NCAPG2: variants seen among roughly 807,000 people sequenced by gnomAD.
NCAPG2 encodes the protein condensin-2 complex subunit G2.
A neutral mutation model predicts 141.1 loss-of-function variants in NCAPG2; 53 were observed. The ratio of observed to expected loss-of-function variants is 0.38; its 90% CI spans 0.30 to 0.47. The LOEUF (loss-of-function observed/expected upper bound fraction) is 0.47. Ranked by LOEUF, NCAPG2 falls within the 20% of genes least tolerant of loss-of-function variation. The probability of loss-of-function intolerance (pLI) is 0.99; values close to 1 mark genes in which losing one functional copy is unlikely to be tolerated. For synonymous variants in NCAPG2, 499 were observed against 490.7 expected, an observed-to-expected ratio of 1.02 and a Z score of -0.22; for missense variants, 1,087 against 1,389.0, an observed-to-expected ratio of 0.78 and a Z score of 3.46.
At position 158,649,893 on chromosome 7, in the gene NCAPG2, T is replaced by G. The variant is rs961119786; in HGVS notation, c.3075+939A>C. ...ATATTCCATGTGGGAAAACACCACT[T>G]TTTGTTTTGGCTTGAATTATCATCC... is the stretch of plus-strand genomic sequence containing the variant. On this transcript the variant is annotated intron_variant, in intron 24 of 27. Coordinates refer to ENST00000356309, the MANE Select transcript of NCAPG2 (RefSeq NM_017760.7). Among the ~76,000 whole-genome samples, 4 of 152,188 alleles carry G rather than the reference T, an allele frequency of 2.6e-5. No homozygotes were observed. In the East Asian group the frequency reaches 7.7e-4, roughly 29 times the overall value.
chr7:158,686,617 G>A (rs1834771787), intron 7 of NCAPG2, among the ~76,000 whole-genome samples: 1 of 152,150 alleles, frequency 6.6e-6, no homozygotes, highest in South Asian at 2.1e-4. Context: ...TGAGGTACAA[G>A]AAGCCCTAAA....
chr7:158,658,269 A>G, intron 17 of NCAPG2, 69 bp downstream of exon 17: 1 of 1,413,194 alleles, frequency 7.1e-7, no homozygotes, highest in Non-Finnish European at 9.6e-7. Context: ...GCTGACATGA[A>G]TTAATAATTC....
chr7:158,642,271 C>T (rs558861659), intron 27 of NCAPG2, among the ~76,000 whole-genome samples: 1 of 152,298 alleles, frequency 6.6e-6, no homozygotes, highest in South Asian at 2.1e-4. Flanking sequence ...AACATGGTGG[C>T]TCACACTGGT....
chr7:158,647,880 G>A (rs922611320), intron 24 of NCAPG2, among the ~76,000 whole-genome samples: 2 of 151,916 alleles, frequency 1.3e-5, no homozygotes, highest in African/African-American at 2.4e-5. Flanking sequence ...AGGCAGGGTC[G>A]CACCATGTTG....
At position 158,652,360 on chromosome 7, in the gene NCAPG2, T is replaced by C. The variant is rs756381491; in HGVS notation, c.2867A>G (p.Lys956Arg). 1 of 1,613,902 alleles carries C rather than the reference T, an allele frequency of 6.2e-7. No homozygotes were observed. Among genetic ancestry groups the C allele is most frequent in the Admixed American group, 1.7e-5 (1 of 59,926 alleles). Residue 956 changes from lysine (K) to arginine (R), a missense_variant, in exon 23 of 28, where the codon AAA becomes AGA. Lys to Arg is a conservative substitution (Grantham distance 26). Transcript: ENST00000356309. ...ACATTCCAACATTTTCTGAAATACT[T>C]TCTGGACTGTGTCCAACAGCATTGC... Reference protein sequence around the residue: ...EVAMLLDTVQKVFQKMLECIA... With the variant: ...EVAMLLDTVQRVFQKMLECIA...
At chr7:158,650,722 G>T in intron 24 of NCAPG2, 110 bp downstream of exon 24, 1 of 1,388,558 alleles carries the variant, frequency 7.2e-7, no homozygotes, top group African/African-American at 1.5e-5. Flanking sequence ...ACTCAAGTTT[G>T]AAAATTCTTA....
chr7:158,660,401 C>CTTTTTTTTTTTTTTTTTTTTT (rs945928092), intron 16 of NCAPG2, among the ~76,000 whole-genome samples: 11 of 72,812 alleles, frequency 1.5e-4, no homozygotes, highest in South Asian at 5.0e-4. Flanking sequence ...TTTCAGCTTT[C>CTTTTTTTTTTTTTTTTTTTTT]TTTTTTTTTT....
intron 2 of NCAPG2, among the ~76,000 whole-genome samples, chr7:158,697,744 G>A (rs10215605): frequency 0.31 from 47,264 of 152,102 alleles, 7,819 homozygotes; most frequent in African/African-American, 0.41. Flanking sequence ...TATACACCAT[G>A]GAATACTATA....
intron 24 of NCAPG2, among the ~76,000 whole-genome samples, chr7:158,647,991 C>A (rs1296120320): frequency 6.6e-6 from 1 of 152,150 alleles, no homozygotes; most frequent in Non-Finnish European, 1.5e-5. Context: ...GCCTAGACAG[C>A]ACTTCCAATA....
Position 158,655,099 on chromosome 7 carries a change from G to A in NCAPG2, c.2646+19C>T, listed in dbSNP as rs1173608330. On this transcript the variant is annotated intron_variant, in intron 21 of 27. Transcript: ENST00000356309. ...AAACTTGGTAAAGAGAAAGTTTTCT[G>A]TGTCTTAAGACTTCTAACCTGGATA... 6.4e-7 allele frequency: 1 copy of A among 1,572,172 alleles called. No homozygotes were observed. The highest frequency in any genetic ancestry group is 1.4e-5 in the African/African-American group (1 of 72,616).
rs369109169 is a variant in NCAPG2, at chr7:158,673,676, C to T, written c.1326+1801G>A. Among the ~76,000 whole-genome samples, 19 of 152,320 alleles carry T rather than the reference C, an allele frequency of 1.2e-4. No individual in the cohort carries two copies. In the South Asian group the frequency reaches 1.5e-3, roughly 12 times the overall value. ...ACCTGAGCAGAGCTCTCAAAGAAGA[C>T]GCTTGTCTGTAAACTGGGACCAGCC... is the stretch of plus-strand genomic sequence containing the variant. On this transcript the variant is annotated intron_variant, in intron 12 of 27. Transcript: ENST00000356309.
intron 4 of NCAPG2, among the ~76,000 whole-genome samples, chr7:158,691,153 G>GAA (rs1346454780): frequency 6.6e-6 from 1 of 152,168 alleles, no homozygotes; most frequent in African/African-American, 2.4e-5. Flanking sequence ...GCTCAGAGGT[G>GAA]AAAAACAGTC....
chr7:158,641,601 C>T, intron 27 of NCAPG2: 1 of 563,766 alleles, frequency 1.8e-6, no homozygotes, highest in South Asian at 2.3e-5. Context: ...ATATACCATG[C>T]TTATTCTAAT....
In NCAPG2 at chr7:158,692,867, T is replaced by C. The variant is rs1835216633; in HGVS notation, c.357A>G (p.Leu119=). 1.3e-6 allele frequency: 2 copies of C among 1,578,874 alleles called. No homozygotes were observed. Among genetic ancestry groups the C allele is most frequent in the Non-Finnish European group, 1.7e-6 (2 of 1,152,542 alleles). ...VINESENYEA[L]LECVIILNGI... ...CATTTAATATAATAACACATTCCAG[T>C]AGGGCTTCGTAGTTCTCACTTTCAT... is the stretch of plus-strand genomic sequence containing the variant. Residue 119 remains leucine (L), a synonymous_variant, in exon 4 of 28, where the codon CTA becomes CTG. Transcript: ENST00000356309.
Position 158,656,314 on chromosome 7 carries a change from G to A in NCAPG2, c.2334C>T (p.Leu778=), listed in dbSNP as rs1831970339. ...LTHPKNRECL[L]SAPRKKLNHL... is the part of the protein sequence containing the mutation. ...GGTTAAGTTTCTTCCGAGGAGCAGAGAGCAAGCACTCGCGGTTCTTTGGAT... is the reference window on the plus strand; with the variant it reads ...GGTTAAGTTTCTTCCGAGGAGCAGAAAGCAAGCACTCGCGGTTCTTTGGAT... The change falls in exon 19 of 28, where the codon CTC becomes CTT. Residue 778 remains leucine (L), a synonymous_variant. Transcript: ENST00000356309. The A allele has an allele frequency of 6.2e-7, 1 of 1,614,188 alleles. No individual in the cohort carries two copies. The highest frequency in any genetic ancestry group is 1.1e-5 in the South Asian group (1 of 91,076).
chr7:158,698,569 C>A (rs1835596193), intron 2 of NCAPG2, among the ~76,000 whole-genome samples: 1 of 152,176 alleles, frequency 6.6e-6, no homozygotes, highest in South Asian at 2.1e-4. Flanking sequence ...ACCATCTAGC[C>A]CAGGTGTGTA....
intron 13 of NCAPG2, among the ~76,000 whole-genome samples, chr7:158,667,402 GCCCTCCTTACCCACTACTGGGTCCC>G (rs1833119920): frequency 3.2e-4 from 7 of 21,568 alleles, no homozygotes; most frequent in Middle Eastern, 0.036. Context: ...GGGTCCCTCC[GCCCTCCTTACCCACTACTGGGTCCC>G]TCCGCCCTCC....
At position 158,664,524 on chromosome 7, in the gene NCAPG2, C is replaced by T. The variant is rs750366092; in HGVS notation, c.1702+4G>A. The T allele has an allele frequency of 1.9e-5, 30 of 1,613,520 alleles. No individual in the cohort carries two copies. In the South Asian group the frequency reaches 2.9e-4, roughly 15 times the overall value. ...AAGAACTGAGAAATAACAGCACTCCCTACCTATGTTGGTGCAGGCGGTGTG... is the reference window on the plus strand; with the variant it reads ...AAGAACTGAGAAATAACAGCACTCCTTACCTATGTTGGTGCAGGCGGTGTG... On this transcript the variant is annotated splice_donor_region_variant and intron_variant, in intron 14 of 27. Transcript: ENST00000356309.
At chr7:158,692,240 AGGGCTAC>A in intron 4 of NCAPG2, among the ~76,000 whole-genome samples, 1 of 152,174 alleles carries the variant, frequency 6.6e-6, no homozygotes, top group Admixed American at 6.5e-5. Context: ...CCAGGAGGTC[AGGGCTAC>A]AGTGAGCTGG....
Sources: allele counts gnomAD v4.1 joint callset (sites outside exome capture counted in the v4.1 genomes callset), GRCh38; gene constraint gnomAD v4.1.1; transcripts MANE v1.5; gene names NCBI Gene and HGNC (gene_info 2026-07-23, HGNC 2026-07-21).